Variants in RRM2B observed in about 807,000 individuals in gnomAD.
RRM2B encodes the protein ribonucleotide reductase regulatory TP53 inducible subunit M2B, also known as ribonucleoside-diphosphate reductase subunit M2 B.
Under a neutral mutation model 45.9 loss-of-function variants are expected in RRM2B, and 20 were observed. The ratio of observed to expected loss-of-function variants is 0.44; its 90% confidence interval spans 0.31 to 0.63. RRM2B has a LOEUF of 0.63. Among genes scored for constraint, RRM2B ranks in the 30% least tolerant of loss-of-function variants. The pLI, the probability that RRM2B is intolerant of heterozygous loss-of-function variation, is 0.09. For missense variants in RRM2B, 320 were observed against 414.7 expected (o/e 0.77, Z 1.98); for synonymous variants, 124 against 132.3 (o/e 0.94, Z 0.43).
intron 8 of RRM2B, among the ~76,000 whole-genome samples, chr8:102,210,631 T>G (rs921474931): frequency 3.9e-5 from 6 of 152,058 alleles, no homozygotes; most frequent in Non-Finnish European, 5.9e-5. Context: ...CCCAGCTAAT[T>G]GTTGTATTTT....
At chr8:102,226,320 ATT>A (rs1186501052) in intron 2 of RRM2B, among the ~76,000 whole-genome samples, 4 of 149,460 alleles carry the variant, frequency 2.7e-5, no homozygotes, top group African/African-American at 9.9e-5. Flanking sequence ...ATGGGTAACC[ATT>A]TTATTATATA....
intron 2 of RRM2B, 51 bp downstream of exon 2, chr8:102,232,098 A>C (rs746768359): frequency 1.2e-5 from 19 of 1,521,140 alleles, no homozygotes; most frequent in Non-Finnish European, 1.7e-5. Flanking sequence ...TAAAACAAGA[A>C]GGAACACTGC....
At chr8:102,222,907 C>T (rs1460702302) in intron 5 of RRM2B, among the ~76,000 whole-genome samples, 2 of 151,982 alleles carry the variant, frequency 1.3e-5, no homozygotes, top group South Asian at 2.1e-4. Context: ...TTAGAATGCA[C>T]TAATAAATAT....
chr8:102,211,990 T>C (rs1427724612), intron 8 of RRM2B, among the ~76,000 whole-genome samples: 2 of 152,228 alleles, frequency 1.3e-5, no homozygotes, highest in South Asian at 2.1e-4. Context: ...TACATTTTCA[T>C]GACAAGAAAT....
chr8:102,233,863 G>C (rs762476583), intron 1 of RRM2B, among the ~76,000 whole-genome samples: 1 of 152,104 alleles, frequency 6.6e-6, no homozygotes, highest in Non-Finnish European at 1.5e-5. Flanking sequence ...CCAGGCTAGA[G>C]TGCATAGATC....
chr8:102,211,170 T>G (rs978271170), intron 8 of RRM2B, among the ~76,000 whole-genome samples: 7 of 152,134 alleles, frequency 4.6e-5, no homozygotes, highest in Non-Finnish European at 8.8e-5. Flanking sequence ...CCACCAGGCC[T>G]GGCTAATTTT....
intron 1 of RRM2B, among the ~76,000 whole-genome samples, chr8:102,233,994 A>C (rs962625944): frequency 2.0e-5 from 3 of 152,094 alleles, no homozygotes; most frequent in Admixed American, 2.0e-4. Context: ...ATAATTTTTA[A>C]ATTTTTTGTA....
intron 1 of RRM2B, chr8:102,238,478 T>C: frequency 1.6e-6 from 2 of 1,259,824 alleles, no homozygotes; most frequent in East Asian, 3.8e-5. Flanking sequence ...TTTCCTTGCC[T>C]CGGTTTCCCT....
chr8:102,215,944 C>CAAAAAAAAAAAAAAAAAAAAAAAAAAAA (rs60059243), intron 6 of RRM2B, among the ~76,000 whole-genome samples: 33 of 75,680 alleles, frequency 4.4e-4, no homozygotes, highest in African/African-American at 9.3e-4. Context: ...GACCCTGTCT[C>CAAAAAAAAAAAAAAAAAAAAAAAAAAAA]AAAAAAAAAA....
At position 102,209,632 on chromosome 8, in the gene RRM2B, T is replaced by A. The variant is rs4102402; in HGVS notation, c.904-1347A>T. Among the ~76,000 whole-genome samples the A allele has an allele frequency of 2.4e-3, 371 of 152,266 alleles. 2 individuals carry two copies. Among genetic ancestry groups the A allele is most frequent in the African/African-American group, 8.2e-3 (342 of 41,558 alleles). On this transcript the variant is annotated intron_variant, in intron 8 of 8. Transcript: ENST00000251810. Reference sequence around the variant, plus strand: ...ATGATCCAGCAATTTCACTCCTAGGTGTATACTTAAGAGATATGAAAACAT... The same window carrying A: ...ATGATCCAGCAATTTCACTCCTAGGAGTATACTTAAGAGATATGAAAACAT...
chr8:102,219,005 A>G lies in RRM2B; in HGVS notation c.551-58T>C, dbSNP rs28928593. On this transcript the variant is annotated intron_variant, in intron 5 of 8. Coordinates refer to ENST00000251810, the MANE Select transcript of RRM2B (RefSeq NM_015713.5). Reference sequence around the variant, plus strand: ...ATATACTGCAAACATTTGCATATATATATATACACATATATAACAATAAAT... The same window carrying G: ...ATATACTGCAAACATTTGCATATATGTATATACACATATATAACAATAAAT... The G allele has an allele frequency of 1.8e-3, 2,691 of 1,462,522 alleles. 40 individuals carry two copies. The East Asian group carries it at 0.028, about 15-fold the overall frequency. The allele number at this position is 1,462,522 out of a possible 1,614,324, so 90.6% of individuals were successfully genotyped here.
At chr8:102,210,994 C>A (rs777869090) in intron 8 of RRM2B, among the ~76,000 whole-genome samples, 10 of 151,592 alleles carry the variant, frequency 6.6e-5, no homozygotes, top group South Asian at 2.1e-4. Context: ...AAAGGAGATA[C>A]ATGTATATGC....
intron 1 of RRM2B, among the ~76,000 whole-genome samples, chr8:102,235,888 C>A (rs1464031937): frequency 6.6e-6 from 1 of 152,076 alleles, no homozygotes; most frequent in Non-Finnish European, 1.5e-5. Context: ...TCAAGATGTC[C>A]AGTAAGCAGT....
intron 8 of RRM2B, among the ~76,000 whole-genome samples, chr8:102,211,739 T>C (rs1810639514): frequency 6.6e-6 from 1 of 152,230 alleles, no homozygotes; most frequent in Non-Finnish European, 1.5e-5. Context: ...TATATTAATA[T>C]AGTTATAATC....
intron 7 of RRM2B, 77 bp from the exon 8 acceptor site, chr8:102,212,966 C>T (rs1364720994): frequency 8.9e-6 from 7 of 784,988 alleles, no homozygotes; most frequent in East Asian, 8.1e-5. Flanking sequence ...AGAGGACTTT[C>T]GTTTTATTTC....
chr8:102,224,797 T>G (rs1810899786), intron 4 of RRM2B, 88 bp downstream of exon 4: 4 of 1,284,940 alleles, frequency 3.1e-6, no homozygotes, highest in Non-Finnish European at 4.5e-6. Flanking sequence ...TTGAATAATC[T>G]TTCCTTAACA....
At chr8:102,238,427 C>T (rs535263955) in intron 1 of RRM2B, 1 of 749,634 alleles carries the variant, frequency 1.3e-6, no homozygotes, top group African/African-American at 1.8e-5. Flanking sequence ...GTCACCATCC[C>T]AAATGGTATG....
chr8:102,215,606 G>A (rs574294149), intron 6 of RRM2B, among the ~76,000 whole-genome samples: 13 of 152,066 alleles, frequency 8.5e-5, no homozygotes, highest in African/African-American at 2.4e-4. Context: ...AGTCCCAAGC[G>A]GGCACAGAGG....
chr8:102,222,423 C>G (rs2132552833), intron 5 of RRM2B, among the ~76,000 whole-genome samples: 1 of 152,286 alleles, frequency 6.6e-6, no homozygotes, highest in South Asian at 2.1e-4. Context: ...GCAAACATAT[C>G]TGCTTCATCC....
Sources: gnomAD v4.1 joint callset for allele counts (sites outside exome capture counted in the v4.1 genomes callset) on GRCh38, gnomAD v4.1.1 for gene constraint, MANE v1.5 for transcripts, NCBI Gene and HGNC (gene_info 2026-07-23, HGNC 2026-07-21) for gene names.